Variants in REV3L observed in about 807,000 individuals in gnomAD.
REV3L encodes REV3 like, DNA directed polymerase zeta catalytic subunit.
A neutral mutation model predicts 299.4 loss-of-function variants in REV3L; 69 were observed. The ratio of observed to expected loss-of-function variants is 0.23; its 90% CI spans 0.19 to 0.28. The LOEUF (loss-of-function observed/expected upper bound fraction) is 0.28, where lower values mean the gene tolerates loss of function less well. Ranked by LOEUF, REV3L falls within the 10% of genes least tolerant of loss-of-function variation. The pLI is 1.00. For synonymous variants in REV3L, 1,238 were observed against 1,271.4 expected (o/e 0.97, Z 0.56); for missense variants, 3,128 against 3,693.8 (o/e 0.85, Z 3.97).
chr6:111,460,105 T>C (rs1790580747), intron 1 of REV3L, among the ~76,000 whole-genome samples: 2 of 152,108 alleles, frequency 1.3e-5, no homozygotes, highest in South Asian at 2.1e-4. Flanking sequence ...AACAAAATCA[T>C]GTCCTTTGCA....
At chr6:111,434,005 C>T (rs1361047357) in intron 1 of REV3L, among the ~76,000 whole-genome samples, 4 of 152,122 alleles carry the variant, frequency 2.6e-5, no homozygotes, top group African/African-American at 9.7e-5. Flanking sequence ...TTCAACATCA[C>T]TTCATGATAA....
At chr6:111,409,459 C>T (rs1452963311) in intron 3 of REV3L, among the ~76,000 whole-genome samples, 3 of 151,666 alleles carry the variant, frequency 2.0e-5, no homozygotes, top group Non-Finnish European at 4.4e-5. Context: ...CAGATTAACC[C>T]ACTATCAATG....
intron 1 of REV3L, among the ~76,000 whole-genome samples, chr6:111,435,612 GA>G (rs1346940697): frequency 6.6e-6 from 1 of 152,150 alleles, no homozygotes; most frequent in Non-Finnish European, 1.5e-5. Flanking sequence ...ACCACATGCA[GA>G]ACAATGAAAC....
At chr6:111,401,956 A>T (rs947288144) in intron 4 of REV3L, among the ~76,000 whole-genome samples, 6 of 151,986 alleles carry the variant, frequency 3.9e-5, no homozygotes, top group African/African-American at 1.2e-4. Flanking sequence ...TACAAAAAAA[A>T]TACCCAAATT....
chr6:111,362,529 T>C lies in REV3L; in HGVS notation c.6879+1324A>G, dbSNP rs461088. On this transcript the variant is annotated intron_variant, in intron 16 of 31. Transcript: ENST00000368802. ...AATATAATGAAAGTCACATGTAACT[T>C]AAAGTTTTCTAGTAGTCACATTTAA... 2.3e-3 allele frequency among the ~76,000 whole-genome samples: 349 copies of C among 152,330 alleles called. 2 individuals are homozygous for C. The highest frequency in any genetic ancestry group is 6.8e-3 in the Middle Eastern group (2 of 294).
chr6:111,475,954 T>C (rs189839638), intron 1 of REV3L, among the ~76,000 whole-genome samples: 2 of 152,368 alleles, frequency 1.3e-5, no homozygotes, highest in Admixed American at 1.3e-4. Context: ...CACTGTTTAT[T>C]AAACAATTCT....
intron 9 of REV3L, among the ~76,000 whole-genome samples, chr6:111,384,971 A>T (rs1040367192): frequency 6.6e-6 from 1 of 152,200 alleles, no homozygotes; most frequent in African/African-American, 2.4e-5. Context: ...AGTGGAGGAC[A>T]TCATGTTATG....
intron 9 of REV3L, among the ~76,000 whole-genome samples, chr6:111,386,044 T>C (rs954245702): frequency 3.3e-5 from 5 of 152,204 alleles, no homozygotes; most frequent in African/African-American, 9.6e-5. Flanking sequence ...ATTATTGTCT[T>C]GTTTACTAAC....
intron 22 of REV3L, 45 bp downstream of exon 22, chr6:111,335,424 C>T: frequency 6.3e-7 from 1 of 1,575,568 alleles, no homozygotes; most frequent in Non-Finnish European, 8.6e-7. Flanking sequence ...AAAAGTGTAT[C>T]ACTCATACAG....
chr6:111,333,454 C>T, intron 22 of REV3L, 87 bp from the exon 23 acceptor site: 2 of 1,476,788 alleles, frequency 1.4e-6, no homozygotes, highest in South Asian at 1.3e-5. Context: ...GGATAATCTG[C>T]TTTTCAGAAT....
intron 1 of REV3L, among the ~76,000 whole-genome samples, chr6:111,425,802 T>C (rs1786106228): frequency 6.6e-6 from 1 of 151,934 alleles, no homozygotes; most frequent in African/African-American, 2.4e-5. Context: ...AAGGAGAGTA[T>C]GAGACCAACA....
chr6:111,474,988 TACACACACACACAC>T (rs36213449), intron 1 of REV3L, among the ~76,000 whole-genome samples: 7 of 145,844 alleles, frequency 4.8e-5, no homozygotes, highest in South Asian at 4.3e-4. Flanking sequence ...TGCCTATATA[TACACACACACACAC>T]ACACACACAC....
Position 111,367,369 on chromosome 6 carries a change from T to C in REV3L, c.6419A>G (p.Asn2140Ser), listed in dbSNP as rs758553487. 1 of 1,608,620 alleles carries C rather than the reference T, an allele frequency of 6.2e-7. No homozygotes were observed. Among genetic ancestry groups the C allele is most frequent in the South Asian group, 1.1e-5 (1 of 89,992 alleles). The change falls in exon 14 of 32, where the codon AAT becomes AGT. Residue 2140 changes from asparagine to serine, a missense_variant. Physicochemically the swap from Asn to Ser is conservative, Grantham distance 46 (BLOSUM62 1). Transcript: ENST00000368802. ...QPISPDSKAL[N>S]GDDRPSSPVE... ...TGGTGATGAGGGTCTATCATCTCCA[T>C]TTAATGCTTTGGAATCTGGGGATAT...
intron 31 of REV3L, among the ~76,000 whole-genome samples, chr6:111,305,242 G>A (rs768726304): frequency 2.3e-4 from 35 of 151,994 alleles, no homozygotes; most frequent in Non-Finnish European, 1.9e-4. Flanking sequence ...ACGCCCGGCC[G>A]ATTTTATTCT....
chr6:111,446,941 A>G (rs1038730317), intron 1 of REV3L, among the ~76,000 whole-genome samples: 5 of 152,200 alleles, frequency 3.3e-5, no homozygotes, highest in African/African-American at 1.2e-4. Flanking sequence ...GTGTAAATCT[A>G]TATGAGACTT....
At chr6:111,384,919 T>C (rs1205168920) in intron 9 of REV3L, among the ~76,000 whole-genome samples, 1 of 152,170 alleles carries the variant, frequency 6.6e-6, no homozygotes, top group African/African-American at 2.4e-5. Flanking sequence ...TACTCAGCCA[T>C]AAAGAGAATG....
At chr6:111,461,189 T>C (rs577882801) in intron 1 of REV3L, among the ~76,000 whole-genome samples, 59 of 152,188 alleles carry the variant, frequency 3.9e-4, no homozygotes, top group African/African-American at 1.4e-3. Flanking sequence ...GGCAGTTCCA[T>C]GTGTGTAATT....
At chr6:111,411,444 T>C (rs757715641) in intron 3 of REV3L, 36 bp downstream of exon 3, 2 of 1,248,988 alleles carry the variant, frequency 1.6e-6, no homozygotes, top group Non-Finnish European at 2.3e-6. Flanking sequence ...ACTTCAATGA[T>C]AGTTATTCAT....
intron 3 of REV3L, among the ~76,000 whole-genome samples, chr6:111,409,527 T>G (rs900920862): frequency 6.6e-6 from 1 of 152,166 alleles, no homozygotes; most frequent in Non-Finnish European, 1.5e-5. Flanking sequence ...CTTAGTATTT[T>G]AGTATAATAA....
Sources: gnomAD v4.1 joint callset for allele counts (sites outside exome capture counted in the v4.1 genomes callset) on GRCh38, gnomAD v4.1.1 for gene constraint, MANE v1.5 for transcripts, NCBI Gene and HGNC (gene_info 2026-07-23, HGNC 2026-07-21) for gene names.